The following SELENOV variants were observed in gnomAD, a reference collection of about 807,000 sequenced individuals.
SELENOV encodes selenoprotein V.
Under a neutral mutation model 21.6 loss-of-function variants are expected in SELENOV, and 25 were observed. The ratio of observed to expected loss-of-function variants is 1.16; its 90% CI spans 0.84 to 1.62. The LOEUF is 1.62. Ranked by LOEUF, SELENOV falls within the 40% of genes most tolerant of loss-of-function variation. SELENOV has a pLI of 0.00. For missense variants in SELENOV, 472 were observed against 459.0 expected, an observed-to-expected ratio of 1.03 and a Z score of -0.26; for synonymous variants, 227 against 216.9, an observed-to-expected ratio of 1.05 and a Z score of -0.41.
In SELENOV at chr19:39,515,888, C is replaced by A; in HGVS notation, c.676C>A (p.Pro226Thr). The change falls in exon 1 of 6, where the codon CCC becomes ACC. Residue 226 changes from proline to threonine, a missense_variant. Transcript: ENST00000335426. This position sits in a 1 kb window ranked among gnomAD's most constrained non-coding sequence, Gnocchi z 5.1. ...CATCGGGCTGGCGGATCCCCCCATT[C>A]CCAGTCCTGTCCCCTCGCCCATCCT... 1 of 1,570,990 alleles carries A rather than the reference C, an allele frequency of 6.4e-7. No individual in the cohort carries two copies. The highest frequency in any genetic ancestry group is 8.6e-7 in the Non-Finnish European group (1 of 1,158,382).
rs562944376 is a variant in SELENOV, at chr19:39,518,708, T to C, written c.835-32T>C. On this transcript the variant is annotated intron_variant, in intron 2 of 5. Coordinates refer to ENST00000335426, the Ensembl canonical transcript of SELENOV. ...GGAGGAGTCCCTGTTTCCCCTCCCC[T>C]GCAACCCCATGACCCCATCTCCTCC... is the stretch of plus-strand genomic sequence containing the variant. 8.1e-6 allele frequency: 13 copies of C among 1,612,698 alleles called. No individual in the cohort carries two copies. The South Asian group carries it at 1.4e-4, about 18-fold the overall frequency.
intron 5 of SELENOV, among the ~76,000 whole-genome samples, chr19:39,519,691 C>T (rs961525245): frequency 1.5e-4 from 23 of 149,378 alleles, no homozygotes; most frequent in African/African-American, 4.9e-4. Flanking sequence ...AAGTGCCGGG[C>T]GGGATGGCTC....
At chr19:39,517,715 GA>G (rs2079704278) in intron 1 of SELENOV, among the ~76,000 whole-genome samples, 1 of 152,020 alleles carries the variant, frequency 6.6e-6, no homozygotes, top group Non-Finnish European at 1.5e-5. Flanking sequence ...AGCACTTTGG[GA>G]GGCCAAGGTG....
exon 6 of SELENOV, chr19:39,520,453 G>C (rs891491648): frequency 1.3e-5 from 2 of 152,132 alleles, no homozygotes; most frequent in Non-Finnish European, 2.9e-5. Context: ...TTGTGGATTC[G>C]TCATTTCCCA....
chr19:39,516,004 G>A, exon 1 of SELENOV: 3 of 1,592,754 alleles, frequency 1.9e-6, no homozygotes, highest in Non-Finnish European at 2.6e-6. Flanking sequence ...AGAGGGTCCT[G>A]ATTCGAGTGA....
intron 1 of SELENOV, among the ~76,000 whole-genome samples, chr19:39,516,484 C>G (rs186493916): frequency 3.4e-4 from 51 of 152,154 alleles, no homozygotes; most frequent in Non-Finnish European, 6.2e-4. Flanking sequence ...GGCGGTCTCT[C>G]CCACTCTCTG....
At chr19:39,518,295 A>AAAAAAAC (rs2079709546) in intron 1 of SELENOV, among the ~76,000 whole-genome samples, 1 of 38,948 alleles carries the variant, frequency 2.6e-5, no homozygotes, top group Non-Finnish European at 5.5e-5. Context: ...ACAAAAAAAC[A>AAAAAAAC]AAAAAAAAAG....
chr19:39,519,245 A>G (rs2144776899), intron 5 of SELENOV, 75 bp downstream of exon 5: 1 of 993,032 alleles, frequency 1.0e-6, no homozygotes, highest in South Asian at 1.4e-5. Flanking sequence ...GCTCTGTCTC[A>G]GTCCTGATCC....
Position 39,515,289 on chromosome 19 carries a change from G to A in SELENOV, c.77G>A (p.Arg26Gln), listed in dbSNP as rs2079688217. 1 of 1,550,958 alleles carries A rather than the reference G, an allele frequency of 6.4e-7. No individual in the cohort carries two copies. The highest frequency in any genetic ancestry group is 8.7e-7 in the Non-Finnish European group (1 of 1,146,862). The change falls in exon 1 of 6, where the codon CGG (arginine) becomes CAG (glutamine). Residue 26 changes from arginine (R) to glutamine (Q), a missense_variant. Transcript: ENST00000335426. The surrounding 1 kb of genome is among the most constrained non-coding windows in gnomAD (Gnocchi z 5.1). ...TCAGTCCGGGCTTCTACCCCGACCC[G>A]GACACCGACTCCACTCCGGACCCCG... is the stretch of plus-strand genomic sequence containing the variant.
In SELENOV at chr19:39,518,900, CAGG is replaced by C; in HGVS notation, c.894_896del (p.Glu298del). The C allele has an allele frequency of 6.2e-7, 1 of 1,613,626 alleles. No individual in the cohort carries two copies. The highest frequency in any genetic ancestry group is 8.5e-7 in the Non-Finnish European group (1 of 1,179,672). On this transcript the variant is annotated splice_acceptor_variant and coding_sequence_variant, in exon 4 of 6. Coordinates refer to ENST00000335426, the Ensembl canonical transcript of SELENOV. LOFTEE classifies it high-confidence loss of function. The stretch of plus-strand genomic sequence containing the variant: ...CTCCCCTACGCTCACCATTTCCTCC[CAGG>C]AGGAGGACAGAGCTGCCCAGGCTAC...
chr19:39,518,605 C>T lies in SELENOV; in HGVS notation c.810-3C>T. ...ACTTTCTCCTCCTGCTCTTGGCCTC[C>T]AGTGGCCTCTGAAGCTATAGCCTTC... On this transcript the variant is annotated splice_region_variant and splice_polypyrimidine_tract_variant and intron_variant, in intron 1 of 5. Transcript: ENST00000335426. 6.2e-7 allele frequency: 1 copy of T among 1,601,400 alleles called. No individual in the cohort carries two copies.
In SELENOV at chr19:39,518,981, A is replaced by T. The variant is rs1410081338; in HGVS notation, c.963+4A>T. The T allele has an allele frequency of 2.5e-6, 4 of 1,613,498 alleles. No individual in the cohort carries two copies. The highest frequency in any genetic ancestry group is 1.6e-4 in the Middle Eastern group (1 of 6,084). On this transcript the variant is annotated splice_donor_region_variant and intron_variant, in intron 4 of 5. Transcript: ENST00000335426. ...GAGACTGGTCCATTCCAAGAAGGTGATCCTGAGTAAAGGTCCGGGACAGGG... is the reference window on the plus strand; with the variant it reads ...GAGACTGGTCCATTCCAAGAAGGTGTTCCTGAGTAAAGGTCCGGGACAGGG...
rs939522487 is a variant in SELENOV at position 39,515,670 on chromosome 19, C to T, written c.458C>T (p.Pro153Leu). 51 of 1,548,482 alleles carry T rather than the reference C, an allele frequency of 3.3e-5. No individual in the cohort carries two copies. In the Admixed American group the frequency reaches 4.1e-4, roughly 13 times the overall value. ...CTGGCCCCGGCCCTACCTTTGGATC[C>T]GCCCCCGGAACCTGCTCCGGAGCTG... Residue 153 changes from proline (P) to leucine (L), a missense_variant, in exon 1 of 6, where the codon CCG (proline) becomes CTG (leucine). Coordinates refer to ENST00000335426, the Ensembl canonical transcript of SELENOV. The surrounding 1 kb of genome is among the most constrained non-coding windows in gnomAD (Gnocchi z 5.1).
chr19:39,518,466 T>C (rs1258310968), intron 1 of SELENOV, 142 bp from the exon 2 acceptor site: 2 of 816,648 alleles, frequency 2.4e-6, no homozygotes. Context: ...CTGCGTGAGA[T>C]GGCACTACTT....
intron 1 of SELENOV, among the ~76,000 whole-genome samples, chr19:39,518,201 G>A (rs2079708042): frequency 6.6e-6 from 1 of 150,640 alleles, no homozygotes; most frequent in African/African-American, 2.4e-5. Flanking sequence ...AACCCGGGAG[G>A]CGGAGCTTGC....
At chr19:39,519,219 A>G (rs1434055179) in intron 5 of SELENOV, 49 bp downstream of exon 5, 2 of 1,296,362 alleles carry the variant, frequency 1.5e-6, no homozygotes, top group South Asian at 2.4e-5. Flanking sequence ...GAGGCCGGGT[A>G]GGAGGATGGG....
At chr19:39,516,140 G>GC in intron 1 of SELENOV, 119 bp downstream of exon 1, 1 of 871,280 alleles carries the variant, frequency 1.1e-6, no homozygotes, top group Non-Finnish European at 1.9e-6. Flanking sequence ...TTCAGGAAGA[G>GC]CCCCAGAGTT....
In SELENOV at chr19:39,517,043, C is replaced by T. The variant is rs61216770; in HGVS notation, c.809+1022C>T. 6.6e-3 allele frequency among the ~76,000 whole-genome samples: 998 copies of T among 150,402 alleles called. 12 individuals are homozygous for T. The highest frequency in any genetic ancestry group is 0.023 in the African/African-American group (945 of 40,862). ...TAGAGATGGGGTCGGGGATGGGGTG[C>T]GGGGGCAGTATCACTATGTTGCCCA... On this transcript the variant is annotated intron_variant, in intron 1 of 5. Coordinates refer to ENST00000335426, the Ensembl canonical transcript of SELENOV.
At chr19:39,519,265 C>T (rs1037197284) in intron 5 of SELENOV, 95 bp downstream of exon 5, 3 of 841,938 alleles carry the variant, frequency 3.6e-6, no homozygotes, top group African/African-American at 1.7e-5. Context: ...CTAGCTCAGC[C>T]GGTTCTCACT....
Sources: allele counts gnomAD v4.1 joint callset (sites outside exome capture counted in the v4.1 genomes callset), GRCh38; gene constraint gnomAD v4.1.1; non-coding constraint Gnocchi (gnomAD v3.1); transcripts MANE v1.5; gene names NCBI Gene and HGNC (gene_info 2026-07-23, HGNC 2026-07-21).